NR4A1: variants seen among roughly 807,000 people sequenced by gnomAD.
NR4A1 encodes the protein nuclear receptor subfamily 4immunitygroup A member 1.
NR4A1 carries 24 observed loss-of-function variants against 47.5 expected under a neutral mutation model. The observed-to-expected ratio is 0.50, with a 90% CI of 0.37 to 0.71. The LOEUF is 0.71. NR4A1 is among the 30% of genes least tolerant of loss of function. The pLI is 0.00. For missense variants in NR4A1, 669 were observed against 788.6 expected, an observed-to-expected ratio of 0.85 and a Z score of 1.82; for synonymous variants, 353 against 345.7, an observed-to-expected ratio of 1.02 and a Z score of -0.24.
upstream of NR4A1, among the ~76,000 whole-genome samples, chr12:52,046,843 C>T (rs1218482216): frequency 4.6e-5 from 7 of 152,048 alleles, no homozygotes; most frequent in African/African-American, 1.2e-4. Context: ...ATTAGCCGGG[C>T]GTGGTGGCGG....
At chr12:52,055,594 G>C (rs999212102) in intron 2 of NR4A1, 12 of 473,180 alleles carry the variant, frequency 2.5e-5, no homozygotes, top group Non-Finnish European at 3.7e-6. Context: ...TCCCTGCGGA[G>C]GGTTTGGTTC....
intron 1 of NR4A1, among the ~76,000 whole-genome samples, chr12:52,052,852 C>T (rs1350003294): frequency 6.6e-6 from 1 of 152,254 alleles, no homozygotes; most frequent in Non-Finnish European, 1.5e-5. Context: ...TGTGGCCACC[C>T]TCACCTCTCG....
At chr12:52,043,104 T>C (rs1278192285) in intron 2 of NR4A1, among the ~76,000 whole-genome samples, 2 of 152,132 alleles carry the variant, frequency 1.3e-5, no homozygotes, top group African/African-American at 2.4e-5. Context: ...CCTCCTGTTC[T>C]GGGGGCAGGG....
In NR4A1 at chr12:52,057,572, C is replaced by T. The variant is rs755694328; in HGVS notation, c.1540+42C>T. 28 of 1,606,776 alleles carry T rather than the reference C, an allele frequency of 1.7e-5. No individual in the cohort carries two copies. In the South Asian group the frequency reaches 2.8e-4, roughly 16 times the overall value. On this transcript the variant is annotated intron_variant, in intron 6 of 6. Transcript: ENST00000394825. ...ACACCAGGTCCAAGGGAATGGGCGT[C>T]AGGGGGTTGACTGGTTCTCAGGAGG... is the stretch of plus-strand genomic sequence containing the variant.
In NR4A1 at chr12:52,057,274, C is replaced by T; in HGVS notation, c.1361+15C>T. On this transcript the variant is annotated intron_variant, in intron 5 of 6. Transcript: ENST00000394825. Reference sequence around the variant, plus strand: ...CTGGCGTACAGGTGAGAGCCACTGACTGTCTGCCCAGCCCCTTTCCCTGAT... The same window carrying T: ...CTGGCGTACAGGTGAGAGCCACTGATTGTCTGCCCAGCCCCTTTCCCTGAT... The T allele has an allele frequency of 6.2e-7, 1 of 1,613,374 alleles. No individual in the cohort carries two copies. Among genetic ancestry groups the T allele is most frequent in the South Asian group, 1.1e-5 (1 of 90,924 alleles).
chr12:52,056,726 C>G, intron 4 of NR4A1, 81 bp downstream of exon 4: 1 of 1,347,396 alleles, frequency 7.4e-7, no homozygotes. Context: ...GAGCTACCCC[C>G]TCTGGAAGGA....
In NR4A1 at chr12:52,054,645, TC is replaced by T. The variant is rs1446563067; in HGVS notation, c.319del (p.Gln107ArgfsTer10). Reference sequence around the variant, plus strand: ...TCTGCCTCCTTCAAGTTCGAGGACTTCCAGGTGTACGGCTGCTACCCCGGCC... The same window carrying T: ...TCTGCCTCCTTCAAGTTCGAGGACTTCAGGTGTACGGCTGCTACCCCGGCC... ...PASASFKFED[F>X]QVYGCYPGPL... is the part of the protein sequence containing the mutation. On this transcript the variant is annotated frameshift_variant, in exon 2 of 7. Transcript: ENST00000394825. LOFTEE classifies it high-confidence loss of function. The T allele has an allele frequency of 2.5e-6, 4 of 1,614,136 alleles. No homozygotes were observed. Among genetic ancestry groups the T allele is most frequent in the Non-Finnish European group, 3.4e-6 (4 of 1,180,030 alleles).
chr12:52,037,263 G>C, intron 1 of NR4A1: 1 of 571,404 alleles, frequency 1.8e-6, no homozygotes, highest in Non-Finnish European at 2.2e-6. Context: ...GCTGCGGCGC[G>C]GCTGCAGGAG....
At chr12:52,051,398 G>A, upstream of NR4A1, 4 of 985,504 alleles carry the variant, frequency 4.1e-6, no homozygotes, top group African/African-American at 1.7e-5. Flanking sequence ...GCCCCTCCCC[G>A]TGCGTCACGG....
intron 1 of NR4A1, chr12:52,041,713 C>G: frequency 4.9e-6 from 6 of 1,214,490 alleles, no homozygotes; most frequent in Non-Finnish European, 6.2e-6. Flanking sequence ...CTAGGTCCTG[C>G]CACTGCTCCC....
chr12:52,053,555 C>T (rs1239150418), intron 1 of NR4A1: 2 of 128,524 alleles, frequency 1.6e-5, no homozygotes, highest in African/African-American at 7.0e-5. Flanking sequence ...CTTTAAAGGT[C>T]TGGAGCCAGG....
chr12:52,056,320 G>A (rs1939270079), intron 3 of NR4A1, 161 bp downstream of exon 3: 1 of 1,369,884 alleles, frequency 7.3e-7, no homozygotes, highest in African/African-American at 1.5e-5. Flanking sequence ...GCCTACACCT[G>A]CCTGGATTGT....
Position 52,058,682 on chromosome 12 carries a change from C to T in NR4A1, c.1541-6C>T, listed in dbSNP as rs769865737. On this transcript the variant is annotated splice_polypyrimidine_tract_variant and splice_region_variant and intron_variant, in intron 6 of 6. Coordinates refer to ENST00000394825, the MANE Select transcript of NR4A1 (RefSeq NM_173157.3). ...ATGTACAGCTAATCCTGTACCCTTCCCGCAGACCGGCATGGGCTGCAGGAG... is the reference window on the plus strand; with the variant it reads ...ATGTACAGCTAATCCTGTACCCTTCTCGCAGACCGGCATGGGCTGCAGGAG... 6.3e-6 allele frequency: 10 copies of T among 1,593,888 alleles called. No individual in the cohort carries two copies. Among genetic ancestry groups the T allele is most frequent in the Non-Finnish European group, 8.5e-6 (10 of 1,170,788 alleles).
chr12:52,042,389 G>A (rs1169538662), intron 2 of NR4A1, among the ~76,000 whole-genome samples: 1 of 152,030 alleles, frequency 6.6e-6, no homozygotes, highest in Non-Finnish European at 1.5e-5. Flanking sequence ...CCCCTTCCTC[G>A]TGGAAAGCAT....
Position 52,041,930 on chromosome 12 carries a change from G to C in NR4A1, c.37+1G>C. 6.9e-7 allele frequency: 1 copy of C among 1,441,100 alleles called. No homozygotes were observed. The highest frequency in any genetic ancestry group is 9.1e-7 in the Non-Finnish European group (1 of 1,096,848). The allele number at this position is 1,441,100 out of a possible 1,614,324, so 89.3% of individuals were successfully genotyped here. ...AAGGCCTGTTGGTCCATCCAGAGTG[G>C]TAAGTGCTCTGCTATTGTCCTTTGT... On this transcript the variant is annotated splice_donor_variant, in intron 2 of 7. Coordinates refer to the NR4A1 transcript ENST00000360284. LOFTEE classifies it high-confidence loss of function.
chr12:52,043,491 G>A, intron 2 of NR4A1: 1 of 313,126 alleles, frequency 3.2e-6, no homozygotes, highest in Non-Finnish European at 6.1e-6. Context: ...GGCCCCATGA[G>A]TGCTAGAGCT....
chr12:52,029,649 C>T (rs1308676405), intron 1 of NR4A1, among the ~76,000 whole-genome samples: 2 of 152,224 alleles, frequency 1.3e-5, no homozygotes. Flanking sequence ...GGTTGCATCA[C>T]TGCATTCAAG....
chr12:52,024,379 T>C (rs1937959707), intron 1 of NR4A1, among the ~76,000 whole-genome samples: 2 of 152,210 alleles, frequency 1.3e-5, no homozygotes, highest in Non-Finnish European at 2.9e-5. Flanking sequence ...GTGCTGCCTT[T>C]TTTTCTCTCT....
At chr12:52,053,336 T>C (rs1022551911) in intron 1 of NR4A1, 9 of 152,082 alleles carry the variant, frequency 5.9e-5, no homozygotes, top group African/African-American at 2.2e-4. Flanking sequence ...GACCCTGCTT[T>C]AGTGGAGGGA....
Sources: gnomAD v4.1 joint callset for allele counts (sites outside exome capture counted in the v4.1 genomes callset) on GRCh38, gnomAD v4.1.1 for gene constraint, MANE v1.5 for transcripts, NCBI Gene and HGNC (gene_info 2026-07-23, HGNC 2026-07-21) for gene names.